Variants in FBXO34 observed in about 807,000 individuals in gnomAD.
FBXO34 encodes the protein F-box protein 34.
In FBXO34, 12 loss-of-function variants were observed where a neutral mutation model predicts 24.5. That is an observed-to-expected ratio of 0.49 (90% CI 0.31 to 0.79). The LOEUF (loss-of-function observed/expected upper bound fraction) is 0.79. Ranked by LOEUF, FBXO34 falls within the 30% of genes least tolerant of loss-of-function variation. The pLI is 0.04. For missense variants in FBXO34, 823 were observed against 857.7 expected, an observed-to-expected ratio of 0.96 and a Z score of 0.51; for synonymous variants, 320 against 311.9, an observed-to-expected ratio of 1.03 and a Z score of -0.27.
At chr14:55,307,987 G>T in intron 1 of FBXO34, among the ~76,000 whole-genome samples, 1 of 152,250 alleles carries the variant, frequency 6.6e-6, no homozygotes, top group East Asian at 1.9e-4. Flanking sequence ...AATCATGAGG[G>T]CAGGTTTCTC....
chr14:55,361,108 G>A (rs10147765), intron 3 of FBXO34, among the ~76,000 whole-genome samples: 56,466 of 152,086 alleles, frequency 0.37, 11,060 homozygotes, highest in Non-Finnish European at 0.43. Context: ...ACTTTGCCCA[G>A]ATCCATCAGA....
At chr14:55,420,271 A>G in the FBXO34 span, among the ~76,000 whole-genome samples, 1 of 152,182 alleles carries the variant, frequency 6.6e-6, no homozygotes, top group Non-Finnish European at 1.5e-5. Context: ...GGGTCTTGCC[A>G]TGTTGGCCAG....
At chr14:55,330,701 G>A (rs1187050001) in intron 1 of FBXO34, among the ~76,000 whole-genome samples, 2 of 152,160 alleles carry the variant, frequency 1.3e-5, no homozygotes, top group South Asian at 4.1e-4. Flanking sequence ...TGTGGTGGGA[G>A]GATGGCTTGA....
intron 1 of FBXO34, among the ~76,000 whole-genome samples, chr14:55,330,164 A>G: frequency 6.6e-6 from 1 of 152,296 alleles, no homozygotes. Flanking sequence ...ACAAACAGCG[A>G]CTTAAAAATC....
At chr14:55,414,328 G>T in the FBXO34 span, 2 of 1,345,978 alleles carry the variant, frequency 1.5e-6, no homozygotes, top group Non-Finnish European at 1.0e-6. Context: ...TTCTGTGCTG[G>T]GCTTATGGAC....
At chr14:55,349,708 G>A (rs917395549) in intron 1 of FBXO34, among the ~76,000 whole-genome samples, 1 of 149,750 alleles carries the variant, frequency 6.7e-6, no homozygotes, top group African/African-American at 2.5e-5. Context: ...CTAGGTTAAA[G>A]CAATTCTTGT....
chr14:55,357,455 G>A (rs1002748031), downstream of FBXO34, among the ~76,000 whole-genome samples: 42 of 152,066 alleles, frequency 2.8e-4, no homozygotes, highest in African/African-American at 9.9e-4. Flanking sequence ...ACTCCTTTTG[G>A]GACCCCCCTC....
intron 1 of FBXO34, among the ~76,000 whole-genome samples, chr14:55,293,124 C>T (rs1393244304): frequency 6.6e-6 from 1 of 150,968 alleles, no homozygotes; most frequent in South Asian, 2.1e-4. Context: ...CTCAGGTGAT[C>T]TACTCGCCTT....
chr14:55,394,681 C>G, the FBXO34 span, among the ~76,000 whole-genome samples: 1 of 152,184 alleles, frequency 6.6e-6, no homozygotes, highest in African/African-American at 2.4e-5. Context: ...GGAGAGCCAT[C>G]ATCAAGGAGC....
At chr14:55,415,877 AT>A in the FBXO34 span, among the ~76,000 whole-genome samples, 1 of 152,212 alleles carries the variant, frequency 6.6e-6, no homozygotes, top group African/African-American at 2.4e-5. Flanking sequence ...AAATAAAAAA[AT>A]GTATGGTGTG....
the FBXO34 span, among the ~76,000 whole-genome samples, chr14:55,420,903 C>CA: frequency 6.0e-5 from 9 of 151,104 alleles, no homozygotes; most frequent in African/African-American, 9.7e-5. Context: ...ACTAAAAATA[C>CA]AAAAAAAATT....
At chr14:55,319,220 A>G (rs1371991790) in intron 1 of FBXO34, among the ~76,000 whole-genome samples, 1 of 152,204 alleles carries the variant, frequency 6.6e-6, no homozygotes, top group African/African-American at 2.4e-5. Context: ...GGTTCAAGAC[A>G]ATGACAGCTG....
the FBXO34 span, chr14:55,440,434 TCTC>T: frequency 1.2e-6 from 2 of 1,612,692 alleles, no homozygotes; most frequent in South Asian, 1.1e-5. Flanking sequence ...TCCAGGTAGG[TCTC>T]CTCCTGCTCC....
intron 1 of FBXO34, among the ~76,000 whole-genome samples, chr14:55,299,434 G>A (rs1316199941): frequency 6.6e-6 from 1 of 151,882 alleles, no homozygotes. Context: ...GGGCTGTGGG[G>A]GAGAAGTGCC....
At chr14:55,426,647 G>A in the FBXO34 span, among the ~76,000 whole-genome samples, 2 of 152,020 alleles carry the variant, frequency 1.3e-5, no homozygotes, top group African/African-American at 4.8e-5. Flanking sequence ...AGAGGATGAG[G>A]GGGAGGCAAG....
chr14:55,280,526 A>AATTTTTTTT (rs201409175), intron 1 of FBXO34, among the ~76,000 whole-genome samples: 1 of 95,896 alleles, frequency 1.0e-5, no homozygotes, highest in Non-Finnish European at 1.9e-5. Flanking sequence ...TATATCAGGA[A>AATTTTTTTT]CTTTTTTTTT....
chr14:55,414,231 C>T, the FBXO34 span: 2 of 612,230 alleles, frequency 3.3e-6, no homozygotes, highest in South Asian at 2.2e-5. Context: ...AATTTTTCTT[C>T]GTTTCTTAGG....
At chr14:55,319,919 A>G (rs1270108718) in intron 1 of FBXO34, among the ~76,000 whole-genome samples, 1 of 152,022 alleles carries the variant, frequency 6.6e-6, no homozygotes, top group African/African-American at 2.4e-5. Flanking sequence ...TGATCTACCC[A>G]CCTCAGCCTC....
At chr14:55,436,683 A>T in the FBXO34 span, 1 of 1,614,226 alleles carries the variant, frequency 6.2e-7, no homozygotes. Flanking sequence ...CTGAGTCAGT[A>T]TCACCAGGGT....
Sources: gnomAD v4.1 joint callset for allele counts (sites outside exome capture counted in the v4.1 genomes callset) on GRCh38, gnomAD v4.1.1 for gene constraint, MANE v1.5 for transcripts, NCBI Gene and HGNC (gene_info 2026-07-23, HGNC 2026-07-21) for gene names.